MAPRE2: variants seen among roughly 807,000 people sequenced by gnomAD.
MAPRE2 encodes the protein microtubule associated protein RP/EB family member 2.
Under a neutral mutation model 43.2 loss-of-function variants are expected in MAPRE2, and 13 were observed. That is an observed-to-expected ratio of 0.30 (90% CI 0.20 to 0.48). The LOEUF is 0.48. Ranked by LOEUF, MAPRE2 falls within the 20% of genes least tolerant of loss-of-function variation. The pLI is 0.99. For missense variants in MAPRE2, 161 were observed against 400.2 expected (o/e 0.40, Z 5.10); for synonymous variants, 135 against 148.8 (o/e 0.91, Z 0.68).
intron 2 of MAPRE2, among the ~76,000 whole-genome samples, chr18:35,021,112 G>T (rs995543459): frequency 1.3e-5 from 2 of 152,126 alleles, no homozygotes; most frequent in African/African-American, 4.8e-5. Flanking sequence ...GAGAGAACCT[G>T]GTACTTTAGT....
chr18:35,007,078 C>T (rs2097032188), intron 2 of MAPRE2, among the ~76,000 whole-genome samples: 1 of 152,162 alleles, frequency 6.6e-6, no homozygotes, highest in Non-Finnish European at 1.5e-5. Context: ...TGGAAAGGTA[C>T]CTGAGGGCAT....
At position 35,055,163 on chromosome 18, in the gene MAPRE2, G is replaced by A. The variant is rs552574317; in HGVS notation, c.122+13502G>A. Among the ~76,000 whole-genome samples, 8 of 152,230 alleles carry A rather than the reference G, an allele frequency of 5.3e-5. 1 individual carries two copies. Among genetic ancestry groups the A allele is most frequent in the African/African-American group, 1.4e-4 (6 of 41,530 alleles). Reference sequence around the variant, plus strand: ...CTCCCATAACAAATTACCACAAACCGGGCGGCTTCAAATTGATCCTCTCAC... The same window carrying A: ...CTCCCATAACAAATTACCACAAACCAGGCGGCTTCAAATTGATCCTCTCAC... On this transcript the variant is annotated intron_variant, in intron 1 of 6. Transcript: ENST00000300249.
At chr18:34,996,934 C>T (rs1360918616) in intron 1 of MAPRE2, among the ~76,000 whole-genome samples, 13 of 152,122 alleles carry the variant, frequency 8.5e-5, no homozygotes, top group Admixed American at 8.5e-4. Context: ...TTCAACTCTC[C>T]CCTTTACTAG....
At chr18:35,024,188 A>G (rs937133969) in intron 2 of MAPRE2, among the ~76,000 whole-genome samples, 1 of 152,230 alleles carries the variant, frequency 6.6e-6, no homozygotes, top group Non-Finnish European at 1.5e-5. Context: ...TTATTGCATT[A>G]GAAGCACTCA....
rs1405774242 is a variant in MAPRE2, at chr18:35,141,766, TAGC to T, written c.*1400_*1402del. The T allele has an allele frequency of 6.6e-6, 1 of 152,190 alleles. No homozygotes were observed. Among genetic ancestry groups the T allele is most frequent in the Non-Finnish European group, 1.5e-5 (1 of 68,040 alleles). The allele number at this position is 152,190 out of a possible 1,614,324, so 9.4% of individuals were successfully genotyped here. ...GTTTACTTTCACTTGTTATTTGACT[TAGC>T]AGGTGCAACAAAAACAAGAAACAAA... is the stretch of plus-strand genomic sequence containing the variant. On this transcript the variant is annotated 3_prime_UTR_variant, in exon 7 of 7. Coordinates refer to ENST00000300249, the MANE Select transcript of MAPRE2 (RefSeq NM_014268.4).
intron 1 of MAPRE2, among the ~76,000 whole-genome samples, chr18:34,985,038 A>T (rs1278040655): frequency 3.8e-5 from 2 of 53,016 alleles, no homozygotes; most frequent in East Asian, 5.4e-4. Flanking sequence ...AAAATATATA[A>T]TATATAAAAT....
At position 34,984,975 on chromosome 18, in the gene MAPRE2, A is replaced by ATT. The variant is rs1336496506; in HGVS notation, c.-70+7897_-70+7898insTT. 1.1e-3 allele frequency among the ~76,000 whole-genome samples: 86 copies of ATT among 77,712 alleles called. 3 individuals are homozygous for ATT. Among genetic ancestry groups the ATT allele is most frequent in the African/African-American group, 4.3e-3 (85 of 19,604 alleles). The allele number at this position is 77,712 out of a possible 152,430, so 51.0% of individuals were successfully genotyped here. On this transcript the variant is annotated intron_variant, in intron 1 of 7. Transcript: ENST00000413393. ...ATATTATATATAAAATATATAATAT[A>ATT]TAAAATATATTATATATAAAATATA...
chr18:35,077,076 A>ATATATAT (rs1442386180), intron 2 of MAPRE2, among the ~76,000 whole-genome samples: 1 of 152,186 alleles, frequency 6.6e-6, no homozygotes, highest in Non-Finnish European at 1.5e-5. Context: ...AAGACTAACA[A>ATATATAT]TATATATACT....
intron 1 of MAPRE2, among the ~76,000 whole-genome samples, chr18:34,988,048 GC>G (rs1260190558): frequency 2.6e-5 from 4 of 152,082 alleles, no homozygotes; most frequent in Non-Finnish European, 2.9e-5. Context: ...ATAATTCCTG[GC>G]ACTCAGATCA....
intron 2 of MAPRE2, among the ~76,000 whole-genome samples, chr18:35,018,044 T>C (rs182058906): frequency 1.3e-5 from 2 of 152,186 alleles, no homozygotes; most frequent in Admixed American, 6.6e-5. Context: ...ATCAAAAGCT[T>C]TTTCTACATC....
At chr18:34,995,363 T>C (rs569351729) in intron 1 of MAPRE2, among the ~76,000 whole-genome samples, 41 of 152,350 alleles carry the variant, frequency 2.7e-4, no homozygotes, top group Non-Finnish European at 5.4e-4. Context: ...TGGATATATG[T>C]GTGGCAGCTT....
chr18:35,005,903 A>G (rs75440757), intron 2 of MAPRE2, among the ~76,000 whole-genome samples: 3,216 of 152,292 alleles, frequency 0.021, 118 homozygotes, highest in African/African-American at 0.072. Flanking sequence ...TTTTTATTTG[A>G]TATTGTTAAG....
At chr18:34,978,684 C>CT (rs2097014518) in intron 1 of MAPRE2, 1 of 773,688 alleles carries the variant, frequency 1.3e-6, no homozygotes, top group Non-Finnish European at 2.2e-6. Flanking sequence ...TGCTTTCGTT[C>CT]TTTTCTGCCA....
intron 4 of MAPRE2, among the ~76,000 whole-genome samples, chr18:35,122,487 A>G (rs866100237): frequency 6.6e-6 from 1 of 152,294 alleles, no homozygotes; most frequent in African/African-American, 2.4e-5. Context: ...TCCTGTTATC[A>G]GTTTTTCTCC....
intron 5 of MAPRE2, among the ~76,000 whole-genome samples, chr18:35,129,945 A>C (rs34065403): frequency 0.013 from 1,973 of 152,334 alleles, 18 homozygotes; most frequent in Non-Finnish European, 0.02. Context: ...TCATCATGTA[A>C]GTTAGCTAGT....
In MAPRE2 at chr18:35,003,305, T is replaced by C. The variant is rs193213393; in HGVS notation, c.-69-2187T>C. Reference sequence around the variant, plus strand: ...CTATGTCAAATGACTGCTATTAAGGTATTTTAGTGTGGACATACAGATGAA... The same window carrying C: ...CTATGTCAAATGACTGCTATTAAGGCATTTTAGTGTGGACATACAGATGAA... On this transcript the variant is annotated intron_variant, in intron 1 of 7. Transcript: ENST00000413393. Among the ~76,000 whole-genome samples, 38 of 152,314 alleles carry C rather than the reference T, an allele frequency of 2.5e-4. No homozygotes were observed. In the East Asian group the frequency reaches 7.3e-3, roughly 29 times the overall value.
chr18:35,116,850 T>C (rs896592843), intron 4 of MAPRE2, among the ~76,000 whole-genome samples: 1 of 152,160 alleles, frequency 6.6e-6, no homozygotes, highest in Non-Finnish European at 1.5e-5. Context: ...TACAAAAGCA[T>C]GAACACCAGG....
intron 1 of MAPRE2, 103 bp from the exon 2 acceptor site, chr18:35,070,092 T>A: frequency 1.1e-6 from 1 of 908,726 alleles, no homozygotes. Flanking sequence ...AGCAGGACTT[T>A]TACATGCCCT....
At chr18:35,006,363 G>GT (rs1447340037) in intron 2 of MAPRE2, among the ~76,000 whole-genome samples, 40 of 152,100 alleles carry the variant, frequency 2.6e-4, no homozygotes, top group African/African-American at 9.2e-4. Flanking sequence ...GTGTGGGGAC[G>GT]TATGTGTTTT....
Sources: gnomAD v4.1 joint callset for allele counts (sites outside exome capture counted in the v4.1 genomes callset) on GRCh38, gnomAD v4.1.1 for gene constraint, MANE v1.5 for transcripts, NCBI Gene and HGNC (gene_info 2026-07-23, HGNC 2026-07-21) for gene names.